ATP9B: variants seen among roughly 807,000 people sequenced by gnomAD.
The protein encoded by ATP9B is probable phospholipid-transporting ATPase IIB.
A neutral mutation model predicts 146.1 loss-of-function variants in ATP9B; 110 were observed. The ratio of observed to expected loss-of-function variants is 0.75; its 90% CI spans 0.65 to 0.88. The LOEUF is 0.88. Among genes scored for constraint, ATP9B ranks in the 40% least tolerant of loss-of-function variants. ATP9B has a pLI of 0.00. For synonymous variants in ATP9B, 604 were observed against 569.7 expected, an observed-to-expected ratio of 1.06 and a Z score of -0.86; for missense variants, 1,499 against 1,496.4, an observed-to-expected ratio of 1.00 and a Z score of -0.03.
intron 10 of ATP9B, among the ~76,000 whole-genome samples, chr18:79,210,687 C>T (rs1011892177): frequency 6.6e-6 from 1 of 152,200 alleles, no homozygotes; most frequent in African/African-American, 2.4e-5. Context: ...AGCCCGGGAG[C>T]GCCTGCCCCA....
At chr18:79,328,072 G>C (rs920283087) in intron 15 of ATP9B, among the ~76,000 whole-genome samples, 11 of 144,804 alleles carry the variant, frequency 7.6e-5, no homozygotes, top group Admixed American at 2.1e-4. Flanking sequence ...CGTGCTCTCC[G>C]TGGTTAGCGT....
At chr18:79,143,636 C>G (rs2094541135) in intron 5 of ATP9B, among the ~76,000 whole-genome samples, 166 bp from the exon 6 acceptor site, 1 of 152,064 alleles carries the variant, frequency 6.6e-6, no homozygotes, top group Admixed American at 6.5e-5. Flanking sequence ...TGGCAGTTTA[C>G]TAAGAGAAGT....
At chr18:79,117,978 A>G (rs1440495940) in intron 4 of ATP9B, 2 of 152,224 alleles carry the variant, frequency 1.3e-5, no homozygotes, top group Non-Finnish European at 2.9e-5. Context: ...GCCTATTGCA[A>G]CATACTTTTT....
At chr18:79,140,090 G>A (rs1031447690) in intron 5 of ATP9B, among the ~76,000 whole-genome samples, 3 of 152,222 alleles carry the variant, frequency 2.0e-5, no homozygotes, top group African/African-American at 7.2e-5. Flanking sequence ...GCTTCACAGA[G>A]GTTAGACTTG....
rs2096864643 is a variant in ATP9B at position 79,342,487 on chromosome 18, G to A, written c.2382+121G>A. 4 of 645,390 alleles carry A rather than the reference G, an allele frequency of 6.2e-6. No homozygotes were observed. In the South Asian group the frequency reaches 9.6e-5, roughly 15 times the overall value. 40.0% of individuals were successfully genotyped at this position (645,390 alleles called of 1,614,324 possible). A position where few individuals can be genotyped will look rare whatever the true frequency, so the allele number is the denominator to read the frequency against. On this transcript the variant is annotated intron_variant, in intron 20 of 29. Coordinates refer to ENST00000426216, the MANE Select transcript of ATP9B (RefSeq NM_198531.5). ...AAATATCTTTTTAAAAAGAACTACTGTAATTTTTTTAATTTATAACAGCAC... is the reference window on the plus strand; with the variant it reads ...AAATATCTTTTTAAAAAGAACTACTATAATTTTTTTAATTTATAACAGCAC...
intron 8 of ATP9B, among the ~76,000 whole-genome samples, chr18:79,184,138 A>G (rs2095281099): frequency 6.6e-6 from 1 of 152,136 alleles, no homozygotes; most frequent in Non-Finnish European, 1.5e-5. Context: ...CTGTTTGCCC[A>G]CCAGTATTCA....
At chr18:79,304,107 T>G (rs2096608180) in intron 14 of ATP9B, among the ~76,000 whole-genome samples, 1 of 152,156 alleles carries the variant, frequency 6.6e-6, no homozygotes. Context: ...TTTTGCCTTT[T>G]CGGTAGATAA....
Position 79,069,515 on chromosome 18 carries a change from C to T in ATP9B, c.105C>T (p.Ala35=). ...GCGCCGCGGGGCCCAGGCCGGGAGC[C>T]GACCGGCACAGCAGGTAACCGAGGC... The part of the protein sequence containing the change: ...YYSAAGPRPG[A]DRHSRYQLED... The change falls in exon 1 of 30, where the codon GCC becomes GCT. Residue 35 remains alanine (A), a synonymous_variant. Coordinates refer to ENST00000426216, the MANE Select transcript of ATP9B (RefSeq NM_198531.5). The T allele has an allele frequency of 3.5e-6, 5 of 1,426,886 alleles. No homozygotes were observed. Among genetic ancestry groups the T allele is most frequent in the Non-Finnish European group, 4.6e-6 (5 of 1,088,174 alleles). 88.4% of individuals were successfully genotyped at this position (1,426,886 alleles called of 1,614,324 possible).
chr18:79,096,415 G>A, intron 1 of ATP9B, 61 bp from the exon 2 acceptor site: 1 of 1,464,832 alleles, frequency 6.8e-7, no homozygotes, highest in South Asian at 1.2e-5. Flanking sequence ...GTCCCTAAAT[G>A]AAACACACTG....
At chr18:79,264,136 G>A (rs906796059) in intron 12 of ATP9B, among the ~76,000 whole-genome samples, 1 of 152,150 alleles carries the variant, frequency 6.6e-6, no homozygotes, top group Non-Finnish European at 1.5e-5. Context: ...CTACTTGGCT[G>A]TGTTATTTGT....
intron 1 of ATP9B, among the ~76,000 whole-genome samples, chr18:79,075,574 G>C (rs1162182807): frequency 1.3e-5 from 2 of 152,146 alleles, no homozygotes; most frequent in Non-Finnish European, 2.9e-5. Flanking sequence ...ATGTGTCTCT[G>C]GTAATTTTTC....
At chr18:79,210,953 T>TA (rs1555761619) in intron 10 of ATP9B, among the ~76,000 whole-genome samples, 2 of 152,262 alleles carry the variant, frequency 1.3e-5, no homozygotes, top group Non-Finnish European at 2.9e-5. Flanking sequence ...TTAAGGCCAT[T>TA]AATTGTTTTG....
intron 7 of ATP9B, among the ~76,000 whole-genome samples, chr18:79,174,403 A>G (rs1247467734): frequency 2.6e-5 from 4 of 152,230 alleles, no homozygotes; most frequent in Admixed American, 6.5e-5. Flanking sequence ...TTCCATTATC[A>G]TACCATAAAC....
In ATP9B at chr18:79,362,895, G is replaced by A. The variant is rs546943132; in HGVS notation, c.3012+3433G>A. 5.9e-5 allele frequency: 9 copies of A among 152,228 alleles called. No individual in the cohort carries two copies. The South Asian group carries it at 8.3e-4, about 14-fold the overall frequency. The allele number at this position is 152,228 out of a possible 1,614,324, so 9.4% of individuals were successfully genotyped here. On this transcript the variant is annotated intron_variant, in intron 26 of 29. Transcript: ENST00000426216. ...GGTGCCATTAGGTATTGAACCATTCGGACCCCTTCACTAATTTTTATTTTC... is the reference window on the plus strand; with the variant it reads ...GGTGCCATTAGGTATTGAACCATTCAGACCCCTTCACTAATTTTTATTTTC...
At chr18:79,154,389 C>A in intron 6 of ATP9B, 115 bp from the exon 7 acceptor site, 1 of 701,512 alleles carries the variant, frequency 1.4e-6, no homozygotes, top group Non-Finnish European at 2.4e-6. Flanking sequence ...TATTTCAGCA[C>A]AATTTTAATT....
intron 7 of ATP9B, among the ~76,000 whole-genome samples, chr18:79,161,430 T>A (rs1401003296): frequency 6.6e-6 from 1 of 152,228 alleles, no homozygotes; most frequent in Non-Finnish European, 1.5e-5. Flanking sequence ...CCTGGAGGAT[T>A]ATTGATGGGT....
At chr18:79,203,376 G>GAGTA (rs929978714) in intron 9 of ATP9B, among the ~76,000 whole-genome samples, 15 of 152,192 alleles carry the variant, frequency 9.9e-5, no homozygotes, top group Admixed American at 5.2e-4. Flanking sequence ...AGGAGGCTTA[G>GAGTA]AGTAACAGCA....
At chr18:79,327,896 T>G (rs72486305) in intron 15 of ATP9B, among the ~76,000 whole-genome samples, 3,568 of 46,570 alleles carry the variant, frequency 0.077, 1,444 homozygotes, top group East Asian at 0.3. Context: ...CTCTCCGTGG[T>G]TAGCGTGCTC....
intron 13 of ATP9B, among the ~76,000 whole-genome samples, chr18:79,290,285 G>A (rs1286078987): frequency 6.6e-6 from 1 of 152,222 alleles, no homozygotes; most frequent in East Asian, 1.9e-4. Flanking sequence ...GGAGCTTCCT[G>A]GCTGCTTTGT....
Sources: gnomAD v4.1 joint callset for allele counts (sites outside exome capture counted in the v4.1 genomes callset) on GRCh38, gnomAD v4.1.1 for gene constraint, MANE v1.5 for transcripts, NCBI Gene and HGNC (gene_info 2026-07-23, HGNC 2026-07-21) for gene names.